The following PRH1 variants were observed in gnomAD, a reference collection of about 807,000 sequenced individuals.
PRH1 encodes salivary acidic proline-rich phosphoprotein 1/2.
A neutral mutation model predicts 7.9 loss-of-function variants in PRH1; 7 were observed. The ratio of observed to expected loss-of-function variants is 0.89; its 90% CI spans 0.50 to 1.67. The LOEUF is 1.67. Ranked by LOEUF, PRH1 falls within the 40% of genes most tolerant of loss-of-function variation. PRH1 has a pLI of 0.00. For missense variants in PRH1, 109 were observed against 223.6 expected (o/e 0.49, Z 3.27); for synonymous variants, 45 against 80.8 (o/e 0.56, Z 2.38).
chr12:11,071,133 C>G (rs1944048388), intron 1 of PRH1, among the ~76,000 whole-genome samples: 2 of 15,846 alleles, frequency 1.3e-4, no homozygotes, highest in Admixed American at 1.5e-3. Context: ...CGAGACCAAT[C>G]TCTCCTGAGA....
chr12:10,941,226 C>G (rs749265085), intron 2 of PRH1, among the ~76,000 whole-genome samples: 1 of 152,162 alleles, frequency 6.6e-6, no homozygotes, highest in Non-Finnish European at 1.5e-5. Flanking sequence ...TACAATAACC[C>G]CAGAGGGTCT....
intron 1 of PRH1, among the ~76,000 whole-genome samples, chr12:10,992,604 G>C (rs934373025): frequency 6.6e-6 from 1 of 152,056 alleles, no homozygotes; most frequent in Non-Finnish European, 1.5e-5. Context: ...TAACAAACAG[G>C]GTCTTGCTGT....
intron 2 of PRH1, among the ~76,000 whole-genome samples, chr12:10,910,756 A>T (rs1327739637): frequency 6.6e-6 from 1 of 152,156 alleles, no homozygotes; most frequent in Non-Finnish European, 1.5e-5. Flanking sequence ...TAAATAAAAC[A>T]CTTTATCTTG....
At chr12:11,156,948 C>A (rs887436854) in intron 1 of PRH1, among the ~76,000 whole-genome samples, 2 of 151,538 alleles carry the variant, frequency 1.3e-5, no homozygotes, top group Admixed American at 1.3e-4. Flanking sequence ...TGGGTTCACA[C>A]CAGTCTCCTG....
intron 1 of PRH1, among the ~76,000 whole-genome samples, chr12:11,044,272 T>C (rs916221587): frequency 6.6e-6 from 1 of 152,074 alleles, no homozygotes; most frequent in Non-Finnish European, 1.5e-5. Context: ...CATATATCTA[T>C]ACAAATATCA....
intron 1 of PRH1, among the ~76,000 whole-genome samples, chr12:11,156,994 C>T (rs35699328): frequency 0.46 from 69,028 of 151,618 alleles, 16,499 homozygotes; most frequent in Non-Finnish European, 0.52. Context: ...TATAGGCACC[C>T]GCCACCATGC....
intron 1 of PRH1, chr12:11,022,573 T>A: frequency 1.3e-6 from 2 of 1,591,292 alleles, no homozygotes; most frequent in South Asian, 2.2e-5. Context: ...ACACATCATG[T>A]TTGAACAGAT....
At chr12:10,978,363 A>T (rs1939202889) in intron 1 of PRH1, among the ~76,000 whole-genome samples, 1 of 152,274 alleles carries the variant, frequency 6.6e-6, no homozygotes. Flanking sequence ...GGCTAGTCAC[A>T]TGCAGAAGAT....
intron 1 of PRH1, chr12:11,171,101 T>C (rs1051790007): frequency 5.2e-6 from 2 of 384,684 alleles, no homozygotes; most frequent in Non-Finnish European, 9.2e-6. Context: ...TAACACATCC[T>C]ATTCCAGAGC....
intron 1 of PRH1, among the ~76,000 whole-genome samples, chr12:11,159,882 C>G (rs915761491): frequency 3.3e-5 from 5 of 152,120 alleles, no homozygotes; most frequent in African/African-American, 1.2e-4. Context: ...TATTGTAACT[C>G]CGGTACTAAA....
intron 1 of PRH1, among the ~76,000 whole-genome samples, chr12:11,138,817 T>C (rs188765745): frequency 2.0e-5 from 3 of 152,250 alleles, no homozygotes; most frequent in East Asian, 1.9e-4. Context: ...GGCAGGTGGA[T>C]TGCCTGAGCA....
At chr12:10,978,079 A>T (rs75929260) in intron 1 of PRH1, among the ~76,000 whole-genome samples, 4,915 of 48,748 alleles carry the variant, frequency 0.1, 261 homozygotes, top group African/African-American at 0.23. Context: ...CATATGGAAT[A>T]AAAAAAAAAA....
rs1248004456 is a variant in PRH1, at chr12:11,102,753, GCAACC to G, written n.124-55570_124-55566del. Among the ~76,000 whole-genome samples, 4 of 152,174 alleles carry G rather than the reference GCAACC, an allele frequency of 2.6e-5. No individual in the cohort carries two copies. The East Asian group carries it at 7.7e-4, about 29-fold the overall frequency. On this transcript the variant is annotated intron_variant and non_coding_transcript_variant, in intron 1 of 4. Transcript: ENST00000541977. ...AAGAAACTACTGTCACAGTGAACAG[GCAACC>G]TACAGAAGGAGAAAATTTTTACAAT... is the stretch of plus-strand genomic sequence containing the variant.
At chr12:11,039,529 TCC>T (rs1942612375) in intron 1 of PRH1, among the ~76,000 whole-genome samples, 1 of 152,260 alleles carries the variant, frequency 6.6e-6, no homozygotes, top group Non-Finnish European at 1.5e-5. Context: ...TGCAATTTTT[TCC>T]TTGTTTAAAC....
chr12:11,039,620 T>G (rs1942617370), intron 1 of PRH1, among the ~76,000 whole-genome samples: 1 of 152,364 alleles, frequency 6.6e-6, no homozygotes, highest in East Asian at 1.9e-4. Flanking sequence ...TAAAGGGAGC[T>G]TGGGCATAAC....
At chr12:10,908,312 T>A in intron 2 of PRH1, 1 of 1,384,020 alleles carries the variant, frequency 7.2e-7, no homozygotes, top group Non-Finnish European at 9.8e-7. Flanking sequence ...TCTTTTAAAC[T>A]CCTTGTAGAC....
intron 1 of PRH1, among the ~76,000 whole-genome samples, chr12:11,085,689 C>A (rs1367181089): frequency 8.6e-6 from 1 of 115,658 alleles, no homozygotes; most frequent in Non-Finnish European, 2.0e-5. Context: ...AATACTATGT[C>A]CTTGTTATAA....
intron 1 of PRH1, among the ~76,000 whole-genome samples, chr12:11,088,200 G>T (rs1944772500): frequency 7.7e-6 from 1 of 129,266 alleles, no homozygotes. Flanking sequence ...AATTAGCCAG[G>T]CGTGATGTTG....
rs751016037 is a variant in PRH1, at chr12:11,091,115, C to CACACACATATATATAT, written n.124-43928_124-43927insATATATATATGTGTGT. 4.8e-4 allele frequency among the ~76,000 whole-genome samples: 12 copies of CACACACATATATATAT among 25,122 alleles called. 3 individuals are homozygous for CACACACATATATATAT. Among genetic ancestry groups the CACACACATATATATAT allele is most frequent in the Non-Finnish European group, 6.9e-4 (6 of 8,732 alleles). 16.5% of individuals were successfully genotyped at this position (25,122 alleles called of 152,430 possible). A position where few individuals can be genotyped will look rare whatever the true frequency, so the allele number is the denominator to read the frequency against. Reference sequence around the variant, plus strand: ...ACACAAATACACACACACACACACACATATATATATATATATATATATATA... The same window carrying CACACACATATATATAT: ...ACACAAATACACACACACACACACACACACACATATATATATATATATATATATATATATATATATA... On this transcript the variant is annotated intron_variant and non_coding_transcript_variant, in intron 1 of 4. Transcript: ENST00000541977.
Sources: gnomAD v4.1 joint callset for allele counts (sites outside exome capture counted in the v4.1 genomes callset) on GRCh38, gnomAD v4.1.1 for gene constraint, MANE v1.5 for transcripts, NCBI Gene and HGNC (gene_info 2026-07-23, HGNC 2026-07-21) for gene names.